PTPRE: variants seen among roughly 807,000 people sequenced by gnomAD.
PTPRE encodes the protein protein tyrosine phosphatase receptor type E, also known as receptor-type tyrosine-protein phosphatase epsilon.
PTPRE carries 51 observed loss-of-function variants against 102.0 expected under a neutral mutation model. The observed-to-expected ratio is 0.50, with a 90% CI of 0.40 to 0.63. The LOEUF is 0.63. Ranked by LOEUF, PTPRE falls within the 30% of genes least tolerant of loss-of-function variation. The probability of loss-of-function intolerance (pLI) is 0.00; values close to 1 mark genes in which losing one functional copy is unlikely to be tolerated. For missense variants in PTPRE, 752 were observed against 915.1 expected (o/e 0.82, Z 2.30); for synonymous variants, 345 against 348.2 (o/e 0.99, Z 0.10).
chr10:128,056,297 C>A (rs756315921), intron 7 of PTPRE, 84 bp downstream of exon 7: 13 of 1,138,628 alleles, frequency 1.1e-5, no homozygotes, highest in Non-Finnish European at 1.6e-5. Context: ...TGACTGCAGG[C>A]CATTCCTGGT....
intron 2 of PTPRE, among the ~76,000 whole-genome samples, chr10:128,034,323 C>CCG (rs1241130746): frequency 2.1e-5 from 3 of 143,218 alleles, no homozygotes; most frequent in African/African-American, 8.4e-5. Flanking sequence ...CCCCTCCACA[C>CCG]CACCCCCCCC....
chr10:128,003,758 C>T (rs1371523603), intron 2 of PTPRE, among the ~76,000 whole-genome samples: 1 of 152,114 alleles, frequency 6.6e-6, no homozygotes, highest in Non-Finnish European at 1.5e-5. Flanking sequence ...TACATGCTCA[C>T]CATGTAATTT....
chr10:127,923,870 AG>A (rs1384122287), intron 1 of PTPRE, among the ~76,000 whole-genome samples: 1 of 152,106 alleles, frequency 6.6e-6, no homozygotes, highest in African/African-American at 2.4e-5. Flanking sequence ...GAGACCCCTG[AG>A]GGATCAGAAC....
chr10:128,044,980 C>T (rs963894811), intron 3 of PTPRE, among the ~76,000 whole-genome samples: 2 of 152,226 alleles, frequency 1.3e-5, no homozygotes, highest in African/African-American at 4.8e-5. Flanking sequence ...GTGCTTGGCC[C>T]CAGTGGGCTG....
At position 128,008,273 on chromosome 10, in the gene PTPRE, C is replaced by T. The variant is rs1258928413; in HGVS notation, c.-8+25977C>T. Among the ~76,000 whole-genome samples the T allele has an allele frequency of 6.6e-6, 1 of 151,864 alleles. No individual in the cohort carries two copies. The highest frequency in any genetic ancestry group is 6.6e-5 in the Admixed American group (1 of 15,256). ...CCTCCCTCTCTCCCTCATTCCCTCC[C>T]TCCCTCCCTCCAGGTGCCTTTGCAG... On this transcript the variant is annotated intron_variant, in intron 2 of 20. Transcript: ENST00000254667. This position sits in a 1 kb window ranked among gnomAD's most constrained non-coding sequence, Gnocchi z 4.0.
chr10:127,935,117 T>G (rs889060604), intron 1 of PTPRE, among the ~76,000 whole-genome samples: 2 of 152,146 alleles, frequency 1.3e-5, no homozygotes, highest in Non-Finnish European at 2.9e-5. Flanking sequence ...GACGCGTGAC[T>G]GACAGTGCTG....
chr10:127,978,365 C>T (rs977113550), intron 1 of PTPRE, among the ~76,000 whole-genome samples: 2 of 151,688 alleles, frequency 1.3e-5, no homozygotes, highest in East Asian at 3.9e-4. Flanking sequence ...ATCAGGAGAC[C>T]CTGTCTCTAC....
chr10:128,080,879 T>C (rs978859205), intron 20 of PTPRE, among the ~76,000 whole-genome samples: 1 of 152,188 alleles, frequency 6.6e-6, no homozygotes, highest in Non-Finnish European at 1.5e-5. Flanking sequence ...GAAGAGTCAC[T>C]AAATAACCAT....
chr10:127,998,363 G>A (rs1430341374), intron 2 of PTPRE: 1 of 152,204 alleles, frequency 6.6e-6, no homozygotes, highest in Non-Finnish European at 1.5e-5. Flanking sequence ...TATTCCAGTC[G>A]CTGTGAAAGC....
chr10:128,055,770 T>C (rs182991596), intron 6 of PTPRE, among the ~76,000 whole-genome samples: 215 of 152,332 alleles, frequency 1.4e-3, no homozygotes, highest in South Asian at 4.1e-3. Context: ...TAGTCAGTTC[T>C]TACCAAATCA....
intron 2 of PTPRE, among the ~76,000 whole-genome samples, chr10:128,037,161 G>A (rs1308789937): frequency 6.6e-6 from 1 of 152,192 alleles, no homozygotes; most frequent in Admixed American, 6.5e-5. Context: ...AGCCCTTAGG[G>A]CCAAGCCAAA....
intron 1 of PTPRE, among the ~76,000 whole-genome samples, chr10:127,959,138 C>T (rs764377620): frequency 3.3e-5 from 5 of 152,200 alleles, no homozygotes; most frequent in Admixed American, 2.0e-4. Flanking sequence ...TCAAGTGATC[C>T]GCCTGCCTTA....
intron 2 of PTPRE, chr10:127,987,274 G>T: frequency 8.6e-7 from 1 of 1,156,190 alleles, no homozygotes; most frequent in Non-Finnish European, 1.1e-6. Flanking sequence ...TCTCGTCACC[G>T]TGTTCACAGC....
chr10:128,061,087 G>T, intron 8 of PTPRE, 72 bp downstream of exon 8: 1 of 1,461,836 alleles, frequency 6.8e-7, no homozygotes, highest in Non-Finnish European at 9.6e-7. Context: ...CTTGTCTGGT[G>T]CCCGGAGTGT....
rs147508458 is a variant in PTPRE at position 128,068,168 on chromosome 10, C to T, written c.889C>T (p.His297Tyr). 2.5e-6 allele frequency: 4 copies of T among 1,613,996 alleles called. No homozygotes were observed. Residue 297 changes from histidine to tyrosine, a missense_variant, in exon 12 of 21, where the codon CAC becomes TAC. By Grantham distance (83) the His-to-Tyr change is moderately conservative. Around this residue, in one of 2 missense-constraint regions of PTPRE, gnomAD observed 636 missense variants for 824.4 expected, o/e 0.77. Transcript: ENST00000254667. ...CKAPRLVSQL[H>Y]FTSWPDFGVP... Reference sequence around the variant, plus strand: ...AGCCCCCAGGCTGGTCTCACAGCTGCACTTCACCAGCTGGCCCGACTTCGG... The same window carrying T: ...AGCCCCCAGGCTGGTCTCACAGCTGTACTTCACCAGCTGGCCCGACTTCGG...
At chr10:128,082,503 A>G (rs1368991480) in intron 20 of PTPRE, among the ~76,000 whole-genome samples, 1 of 149,982 alleles carries the variant, frequency 6.7e-6, no homozygotes, top group Non-Finnish European at 1.5e-5. Context: ...ACGTTGAGCC[A>G]TTGCACCTGG....
intron 1 of PTPRE, among the ~76,000 whole-genome samples, chr10:127,976,108 TC>T (rs1279674869): frequency 2.6e-5 from 4 of 151,910 alleles, no homozygotes; most frequent in African/African-American, 9.7e-5. Flanking sequence ...AAACACTAGA[TC>T]CCCTGCCAAG....
intron 12 of PTPRE, 152 bp downstream of exon 12, chr10:128,068,438 C>A: frequency 1.2e-6 from 1 of 825,390 alleles, no homozygotes; most frequent in Non-Finnish European, 1.8e-6. Context: ...TGAGCCAGGC[C>A]CCAAGAACCC....
intron 1 of PTPRE, among the ~76,000 whole-genome samples, chr10:127,951,843 C>G (rs761294382): frequency 2.0e-5 from 3 of 152,172 alleles, no homozygotes; most frequent in South Asian, 2.1e-4. Context: ...TCCTATTTGG[C>G]CTGTGCAGAA....
Sources: gnomAD v4.1 joint callset for allele counts (sites outside exome capture counted in the v4.1 genomes callset) on GRCh38, gnomAD v4.1.1 for gene constraint, gnomAD v4.1.1 regional missense constraint, Gnocchi (gnomAD v3.1) non-coding constraint, MANE v1.5 for transcripts, NCBI Gene and HGNC (gene_info 2026-07-23, HGNC 2026-07-21) for gene names.